The following DHX16 variants were observed in gnomAD, a reference collection of about 807,000 sequenced individuals.
DHX16 encodes DEAH-box helicase 16.
Under a neutral mutation model 131.2 loss-of-function variants are expected in DHX16, and 81 were observed. That is an observed-to-expected ratio of 0.62 (90% confidence interval 0.52 to 0.74). DHX16 has a LOEUF of 0.74. DHX16 is among the 30% of genes least tolerant of loss of function. The pLI is 0.00. For synonymous variants in DHX16, 440 were observed against 520.2 expected, an observed-to-expected ratio of 0.85 and a Z score of 2.10; for missense variants, 980 against 1,363.1, an observed-to-expected ratio of 0.72 and a Z score of 4.43.
Position 30,656,205 on chromosome 6 carries a change from A to G in DHX16, c.2491T>C (p.Ser831Pro), listed in dbSNP as rs756485958. The G allele has an allele frequency of 6.2e-6, 10 of 1,612,910 alleles. No individual in the cohort carries two copies. The highest frequency in any genetic ancestry group is 8.5e-6 in the Non-Finnish European group (10 of 1,180,012). Residue 831 changes from serine to proline, a missense_variant, in exon 16 of 20, where the codon TCT (serine) becomes CCT (proline). Around this residue, in one of 3 missense-constraint regions of DHX16, gnomAD observed 214 missense variants for 271.2 expected, o/e 0.79. Transcript: ENST00000376442. The surrounding 1 kb of genome is among the most constrained non-coding windows in gnomAD (Gnocchi z 5.1). ...DPMLSKMILA[S>P]EKYSCSEEIL... is the part of the protein sequence containing the mutation. ...GTGGAGGCGAGGGCTTACTTCTCAG[A>G]GGCTAAGATCATTTTGGACAGCATG...
At chr6:30,669,931 A>G (rs1046703218) in intron 4 of DHX16, among the ~76,000 whole-genome samples, 3 of 152,054 alleles carry the variant, frequency 2.0e-5, no homozygotes, top group African/African-American at 7.2e-5. Flanking sequence ...CAGTGAGAAG[A>G]CACAGGGAGA....
intron 19 of DHX16, 35 bp downstream of exon 19, chr6:30,654,671 T>C: frequency 6.3e-7 from 1 of 1,585,496 alleles, no homozygotes. Context: ...CTCTACATAG[T>C]CTCCACCTGC....
At chr6:30,672,133 G>C (rs974631899) in intron 1 of DHX16, among the ~76,000 whole-genome samples, 72 of 151,566 alleles carry the variant, frequency 4.8e-4, no homozygotes, top group African/African-American at 1.6e-3. Flanking sequence ...ACACACCAAG[G>C]CCTCATCTCT....
Position 30,656,266 on chromosome 6 carries a change from C to T in DHX16, c.2431-1G>A, listed in dbSNP as rs1397852659. ...GCAGCTCTGCCATCTTTCGACCAGA[C>T]TAAGGAGAAGAGAGAGAGAGTTGAG... On this transcript the variant is annotated splice_acceptor_variant, in intron 15 of 19. Coordinates refer to ENST00000376442, the MANE Select transcript of DHX16 (RefSeq NM_003587.5). LOFTEE classifies it high-confidence loss of function. This position sits in a 1 kb window ranked among gnomAD's most constrained non-coding sequence, Gnocchi z 5.1. 8 of 1,613,762 alleles carry T rather than the reference C, an allele frequency of 5.0e-6. No individual in the cohort carries two copies. Among genetic ancestry groups the T allele is most frequent in the Non-Finnish European group, 6.8e-6 (8 of 1,180,012 alleles).
In DHX16 at chr6:30,659,496, C is replaced by A; in HGVS notation, c.1983G>T (p.Gln661His). ...LPSDMQARIF[Q>H]PTPPGARKVV... ...CCTTTCGTGCCCCAGGTGGTGTGGG[C>A]TGGAAGATACGGGCCTGCATGTCAG... The change falls in exon 12 of 20, where the codon CAG (glutamine) becomes CAT (histidine). Residue 661 changes from glutamine to histidine, a missense_variant. This residue lies in a region of DHX16 where 309 missense variants were observed against 537.1 expected (regional missense o/e 0.58). Transcript: ENST00000376442. 1 of 1,600,076 alleles carries A rather than the reference C, an allele frequency of 6.2e-7. No homozygotes were observed. Among genetic ancestry groups the A allele is most frequent in the Non-Finnish European group, 8.5e-7 (1 of 1,173,770 alleles).
Position 30,664,893 on chromosome 6 carries a change from G to A in DHX16, c.1225C>T (p.Leu409=). ...LPVFPFREEL[L]AAIANHQVLI... ...ACTTGGTGATTTGCAATAGCAGCCA[G>A]GAGCTCCTCTCGAAATGGGAACACC... is the stretch of plus-strand genomic sequence containing the variant. Residue 409 remains leucine (L), a synonymous_variant, in exon 7 of 20, where the codon CTG becomes TTG. Coordinates refer to ENST00000376442, the MANE Select transcript of DHX16 (RefSeq NM_003587.5). 2 of 1,613,476 alleles carry A rather than the reference G, an allele frequency of 1.2e-6. No homozygotes were observed. Among genetic ancestry groups the A allele is most frequent in the Middle Eastern group, 1.6e-4 (1 of 6,062 alleles).
chr6:30,664,033 C>A (rs1220741311), intron 7 of DHX16, among the ~76,000 whole-genome samples: 2 of 148,420 alleles, frequency 1.3e-5, no homozygotes, highest in South Asian at 2.2e-4. Context: ...CAAAAAAAAA[C>A]AAAAAATGTT....
rs532067669 is a variant in DHX16 at position 30,662,293 on chromosome 6, C to T, written c.1544+334G>A. Among the ~76,000 whole-genome samples, 1 of 151,630 alleles carries T rather than the reference C, an allele frequency of 6.6e-6. No homozygotes were observed. The highest frequency in any genetic ancestry group is 2.1e-4 in the South Asian group (1 of 4,770). On this transcript the variant is annotated intron_variant, in intron 9 of 19. Coordinates refer to ENST00000376442, the MANE Select transcript of DHX16 (RefSeq NM_003587.5). This position sits in a 1 kb window ranked among gnomAD's most constrained non-coding sequence, Gnocchi z 4.7. The stretch of plus-strand genomic sequence containing the variant: ...TCTGATCCTTCTTTCCATGTAACAG[C>T]CTTCACATATTTAGAGGGAACCAGG...
chr6:30,665,428 C>T lies in DHX16; in HGVS notation c.921+51G>A, dbSNP rs921862343. The T allele has an allele frequency of 2.5e-6, 4 of 1,591,428 alleles. No individual in the cohort carries two copies. The highest frequency in any genetic ancestry group is 3.4e-6 in the Non-Finnish European group (4 of 1,167,334). ...GTTGCCCAATCCCCTGAAGCCTTCC[C>T]CACAACTTGTCTTGGGGACCAAGGC... On this transcript the variant is annotated intron_variant, in intron 5 of 19. Coordinates refer to ENST00000376442, the MANE Select transcript of DHX16 (RefSeq NM_003587.5). The surrounding 1 kb of genome is among the most constrained non-coding windows in gnomAD (Gnocchi z 4.8).
Position 30,670,364 on chromosome 6 carries a change from T to G in DHX16, c.666+46A>C. ...TCCCTATACACTCTATCAGAAAGTC[T>G]TTCCTTTTGTCTTCTGATCTTGGCT... On this transcript the variant is annotated intron_variant, in intron 4 of 19. Transcript: ENST00000376442. This position sits in a 1 kb window ranked among gnomAD's most constrained non-coding sequence, Gnocchi z 4.4. 1 of 1,561,242 alleles carries G rather than the reference T, an allele frequency of 6.4e-7. No individual in the cohort carries two copies. The highest frequency in any genetic ancestry group is 8.7e-7 in the Non-Finnish European group (1 of 1,143,742).
At chr6:30,654,914 A>C in intron 18 of DHX16, 35 bp from the exon 19 acceptor site, 2 of 1,594,488 alleles carry the variant, frequency 1.3e-6, no homozygotes, top group Non-Finnish European at 1.7e-6. Flanking sequence ...TCAATGGAAA[A>C]GGCAGACATC....
Position 30,670,596 on chromosome 6 carries a change from ATCTC to A in DHX16, c.610-134_610-131del, listed in dbSNP as rs1460771256. The stretch of plus-strand genomic sequence containing the variant: ...AAAAAATGTCCCCTCTCAGTGAGGA[ATCTC>A]TCTGATTGCAGGTACAGCAGACAGT... On this transcript the variant is annotated intron_variant, in intron 3 of 19. Coordinates refer to ENST00000376442, the MANE Select transcript of DHX16 (RefSeq NM_003587.5). This position sits in a 1 kb window ranked among gnomAD's most constrained non-coding sequence, Gnocchi z 4.4. The A allele has an allele frequency of 1.9e-5, 23 of 1,189,614 alleles. No homozygotes were observed. The highest frequency in any genetic ancestry group is 2.7e-5 in the Non-Finnish European group (23 of 839,852). 73.7% of individuals were successfully genotyped at this position (1,189,614 alleles called of 1,614,324 possible). A position where few individuals can be genotyped will look rare whatever the true frequency, so the allele number is the denominator to read the frequency against.
chr6:30,656,597 C>T lies in DHX16; in HGVS notation c.2311G>A (p.Gly771Arg). The T allele has an allele frequency of 6.2e-7, 1 of 1,614,168 alleles. No homozygotes were observed. Among genetic ancestry groups the T allele is most frequent in the Non-Finnish European group, 8.5e-7 (1 of 1,180,032 alleles). Residue 771 changes from glycine (G) to arginine (R), a missense_variant and splice_region_variant, in exon 14 of 20, where the codon GGG becomes AGG. Gly to Arg is a moderately radical substitution (Grantham distance 125). Around this residue, in one of 3 missense-constraint regions of DHX16, gnomAD observed 309 missense variants for 537.1 expected, o/e 0.58. Transcript: ENST00000376442. The surrounding 1 kb of genome is among the most constrained non-coding windows in gnomAD (Gnocchi z 5.1). The stretch of plus-strand genomic sequence containing the variant: ...CTCCTCTCTCAGGTAGCCCAATCAC[C>T]TAAGCTCTTGAGCAGCAACACGACA... ...GNVVLLLKSLGIHDLMHFDFL... is the reference protein window; with the variant it reads ...GNVVLLLKSLRIHDLMHFDFL...
Position 30,672,976 on chromosome 6 carries a change from C to T in DHX16, c.-135G>A. Reference sequence around the variant, plus strand: ...GCTACCTTGGGACCTCTAGGATCTTCCGACATCCCAAAGCTGTCTTCCCGT... The same window carrying T: ...GCTACCTTGGGACCTCTAGGATCTTTCGACATCCCAAAGCTGTCTTCCCGT... On this transcript the variant is annotated 5_prime_UTR_variant, in exon 1 of 20. Coordinates refer to ENST00000376442, the MANE Select transcript of DHX16 (RefSeq NM_003587.5). The T allele has an allele frequency of 6.4e-7, 1 of 1,551,826 alleles. No individual in the cohort carries two copies. Among genetic ancestry groups the T allele is most frequent in the Non-Finnish European group, 8.7e-7 (1 of 1,147,136 alleles).
In DHX16 at chr6:30,653,132, A is replaced by T; in HGVS notation, c.*110T>A. The T allele has an allele frequency of 3.7e-6, 5 of 1,351,756 alleles. No homozygotes were observed. The highest frequency in any genetic ancestry group is 5.0e-6 in the Non-Finnish European group (5 of 998,046). The allele number at this position is 1,351,756 out of a possible 1,614,324, so 83.7% of individuals were successfully genotyped here. A position where few individuals can be genotyped will look rare whatever the true frequency, so the allele number is the denominator to read the frequency against. On this transcript the variant is annotated 3_prime_UTR_variant, in exon 20 of 20. Transcript: ENST00000376442. Reference sequence around the variant, plus strand: ...GAATTTCACATATCACTTTCTCTAGATCCCAAATGTTCCCACAAGCTTTAT... The same window carrying T: ...GAATTTCACATATCACTTTCTCTAGTTCCCAAATGTTCCCACAAGCTTTAT...
intron 1 of DHX16, among the ~76,000 whole-genome samples, chr6:30,671,735 T>C (rs1465681966): frequency 6.6e-6 from 1 of 152,068 alleles, no homozygotes; most frequent in Non-Finnish European, 1.5e-5. Context: ...AATGGGGTTT[T>C]TTATTTTTTT....
Position 30,665,441 on chromosome 6 carries a change from T to C in DHX16, c.921+38A>G. ...CTGAAGCCTTCCCCACAACTTGTCTTGGGGACCAAGGCTGAAGCAGACGCC... is the reference window on the plus strand; with the variant it reads ...CTGAAGCCTTCCCCACAACTTGTCTCGGGGACCAAGGCTGAAGCAGACGCC... On this transcript the variant is annotated intron_variant, in intron 5 of 19. Coordinates refer to ENST00000376442, the MANE Select transcript of DHX16 (RefSeq NM_003587.5). The surrounding 1 kb of genome is among the most constrained non-coding windows in gnomAD (Gnocchi z 4.8). 1 of 1,597,458 alleles carries C rather than the reference T, an allele frequency of 6.3e-7. No individual in the cohort carries two copies. The highest frequency in any genetic ancestry group is 8.5e-7 in the Non-Finnish European group (1 of 1,170,314).
Position 30,665,862 on chromosome 6 carries a change from C to CAGCCTGAGCAACAGAGGAAGT in DHX16, c.667-130_667-129insACTTCCTCTGTTGCTCAGGCT. The CAGCCTGAGCAACAGAGGAAGT allele has an allele frequency of 8.4e-7, 1 of 1,196,110 alleles. No individual in the cohort carries two copies. Among genetic ancestry groups the CAGCCTGAGCAACAGAGGAAGT allele is most frequent in the Non-Finnish European group, 1.1e-6 (1 of 871,652 alleles). 74.1% of individuals were successfully genotyped at this position (1,196,110 alleles called of 1,614,324 possible). A position where few individuals can be genotyped will look rare whatever the true frequency, so the allele number is the denominator to read the frequency against. On this transcript the variant is annotated intron_variant, in intron 4 of 19. Transcript: ENST00000376442. This position sits in a 1 kb window ranked among gnomAD's most constrained non-coding sequence, Gnocchi z 4.8. The stretch of plus-strand genomic sequence containing the variant: ...ACCTCAGGATGCACCCTCTACCTTC[C>CAGCCTGAGCAACAGAGGAAGT]CTCTGCAATGCACAACCAAAACAAT...
chr6:30,654,697 TCTC>T lies in DHX16; in HGVS notation c.2997+6_2997+8del, dbSNP rs766940516. On this transcript the variant is annotated splice_donor_region_variant and intron_variant, in intron 19 of 19. Transcript: ENST00000376442. ...CTCCACCTGCGTGGGCACAGGATGT[TCTC>T]CTCACCTGTCTCATGAACTCTTTGG... The T allele has an allele frequency of 3.2e-5, 52 of 1,608,226 alleles. No homozygotes were observed. Among genetic ancestry groups the T allele is most frequent in the Middle Eastern group, 1.7e-4 (1 of 5,984 alleles).
Sources: allele counts gnomAD v4.1 joint callset (sites outside exome capture counted in the v4.1 genomes callset), GRCh38; gene constraint gnomAD v4.1.1; regional missense constraint gnomAD v4.1.1; non-coding constraint Gnocchi (gnomAD v3.1); transcripts MANE v1.5; gene names NCBI Gene and HGNC (gene_info 2026-07-23, HGNC 2026-07-21).